PCDH15: variants seen among roughly 807,000 people sequenced by gnomAD.
The protein encoded by PCDH15 is protocadherin related 15.
In PCDH15, 129 loss-of-function variants were observed where a neutral mutation model predicts 178.5. That is an observed-to-expected ratio of 0.72 (90% confidence interval 0.63 to 0.84). The LOEUF (loss-of-function observed/expected upper bound fraction) is 0.84, where lower values mean the gene tolerates loss of function less well. Among genes scored for constraint, PCDH15 ranks in the 40% least tolerant of loss-of-function variants. PCDH15 has a pLI of 0.00. For synonymous variants in PCDH15, 800 were observed against 732.0 expected, an observed-to-expected ratio of 1.09 and a Z score of -1.50; for missense variants, 2,230 against 2,099.9, an observed-to-expected ratio of 1.06 and a Z score of -1.21.
At chr10:54,325,970 T>C (rs535992204) in intron 7 of PCDH15, among the ~76,000 whole-genome samples, 27 of 152,214 alleles carry the variant, frequency 1.8e-4, no homozygotes, top group African/African-American at 6.5e-4. Flanking sequence ...GGAGGTACAT[T>C]TTAGATATAT....
chr10:53,837,186 G>C (rs1184219412), intron 29 of PCDH15, among the ~76,000 whole-genome samples: 2 of 151,658 alleles, frequency 1.3e-5, no homozygotes, highest in Admixed American at 1.3e-4. Flanking sequence ...GGAATAAAGA[G>C]AAAATGGGCA....
intron 1 of PCDH15, among the ~76,000 whole-genome samples, chr10:55,183,085 T>C (rs767978690): frequency 1.3e-5 from 2 of 152,070 alleles, no homozygotes; most frequent in Non-Finnish European, 2.9e-5. Flanking sequence ...ATATGGTATA[T>C]ATTTATATTA....
intron 6 of PCDH15, among the ~76,000 whole-genome samples, chr10:54,343,109 T>C (rs138310165): frequency 1.3e-5 from 2 of 152,260 alleles, no homozygotes; most frequent in African/African-American, 4.8e-5. Context: ...GCATGATTGG[T>C]TCTGAAATGT....
chr10:53,971,411 C>A (rs2089670623), intron 21 of PCDH15, among the ~76,000 whole-genome samples: 1 of 152,112 alleles, frequency 6.6e-6, no homozygotes, highest in African/African-American at 2.4e-5. Context: ...CACTCTTATT[C>A]AACATAGTGT....
chr10:54,730,705 T>C (rs1206064826), intron 1 of PCDH15, among the ~76,000 whole-genome samples: 2 of 151,362 alleles, frequency 1.3e-5, no homozygotes, highest in South Asian at 4.2e-4. Context: ...TGGATAACCA[T>C]ATGTAAAAGA....
chr10:55,040,229 G>A (rs952148539), intron 2 of PCDH15, among the ~76,000 whole-genome samples: 4 of 152,044 alleles, frequency 2.6e-5, no homozygotes, highest in South Asian at 2.1e-4. Context: ...ATTTGTCAAT[G>A]GCAGCAATAG....
At chr10:54,120,538 T>C (rs1174851227) in intron 15 of PCDH15, among the ~76,000 whole-genome samples, 2 of 152,134 alleles carry the variant, frequency 1.3e-5, no homozygotes, top group Non-Finnish European at 2.9e-5. Flanking sequence ...CCACCTTATA[T>C]GTAATGATAC....
chr10:53,919,439 T>C (rs1809041485), intron 25 of PCDH15, among the ~76,000 whole-genome samples: 1 of 152,242 alleles, frequency 6.6e-6, no homozygotes, highest in Non-Finnish European at 1.5e-5. Flanking sequence ...ACAGAAAGCT[T>C]TAATGGTAAT....
intron 1 of PCDH15, among the ~76,000 whole-genome samples, chr10:55,265,311 G>GATATATAT (rs146070132): frequency 6.3e-4 from 91 of 144,214 alleles, no homozygotes; most frequent in East Asian, 4.5e-3. Context: ...GTATCTCTAT[G>GATATATAT]ATATATATAT....
At chr10:55,300,771 T>C (rs1045721489) in intron 1 of PCDH15, among the ~76,000 whole-genome samples, 84 of 152,302 alleles carry the variant, frequency 5.5e-4, no homozygotes, top group African/African-American at 2.0e-3. Flanking sequence ...TTAAATGAGA[T>C]AACTGTAACT....
intron 2 of PCDH15, among the ~76,000 whole-genome samples, chr10:55,080,697 C>T (rs1842018670): frequency 1.3e-5 from 2 of 152,250 alleles, no homozygotes; most frequent in Middle Eastern, 6.8e-3. Flanking sequence ...CCCACAGTCC[C>T]AGACAGGCAG....
intron 2 of PCDH15, among the ~76,000 whole-genome samples, chr10:55,054,862 TTA>T (rs1356865207): frequency 6.6e-6 from 1 of 152,138 alleles, no homozygotes; most frequent in African/African-American, 2.4e-5. Flanking sequence ...TTAATAGGGG[TTA>T]TCTGTTTTCT....
intron 18 of PCDH15, among the ~76,000 whole-genome samples, chr10:54,025,255 CA>C (rs1452899433): frequency 1.3e-5 from 2 of 152,124 alleles, no homozygotes; most frequent in African/African-American, 4.8e-5. Context: ...TAGCAGCTGA[CA>C]CAAAACAAGT....
chr10:55,190,553 A>C lies in PCDH15; in HGVS notation c.-155-23902T>G, dbSNP rs1591977644. On this transcript the variant is annotated intron_variant, in intron 1 of 5. Coordinates refer to the PCDH15 transcript ENST00000458638. ...CCCTTACATACCAATTCCCAATTAC[A>C]TTTAGATAAAAGTGAACATAAACTG... is the stretch of plus-strand genomic sequence containing the variant. Among the ~76,000 whole-genome samples, 3 of 151,882 alleles carry C rather than the reference A, an allele frequency of 2.0e-5. No individual in the cohort carries two copies. In the South Asian group the frequency reaches 6.2e-4, roughly 31 times the overall value.
At chr10:55,570,326 C>T (rs1327036119) in intron 2 of PCDH15, among the ~76,000 whole-genome samples, 1 of 151,870 alleles carries the variant, frequency 6.6e-6, no homozygotes, top group Non-Finnish European at 1.5e-5. Flanking sequence ...TAAAAGACAA[C>T]CCTGTTCACA....
In PCDH15 at chr10:53,857,361, A is replaced by G. The variant is rs559226187; in HGVS notation, c.3718-98T>C. 1.6e-4 allele frequency: 133 copies of G among 830,332 alleles called. 1 individual carries two copies. The South Asian group carries it at 1.8e-3, about 11-fold the overall frequency. The allele number at this position is 830,332 out of a possible 1,614,324, so 51.4% of individuals were successfully genotyped here. A position where few individuals can be genotyped will look rare whatever the true frequency, so the allele number is the denominator to read the frequency against. On this transcript the variant is annotated intron_variant, in intron 27 of 37. Transcript: ENST00000644397. ...TACCTCTTCCCTACTATGCATAGAC[A>G]CAGTGGTTTCTGATTTTCAAATTCA...
chr10:54,240,695 G>A lies in PCDH15; in HGVS notation c.877-3764C>T, dbSNP rs527605296. On this transcript the variant is annotated intron_variant, in intron 8 of 37. Transcript: ENST00000644397. ...TGCCCAGGCTGGAGTGCAGTGGCGC[G>A]ATCCCGGCTCACTGCAAGCTCCGCC... Among the ~76,000 whole-genome samples the A allele has an allele frequency of 5.8e-5, 8 of 138,602 alleles. No homozygotes were observed. In the East Asian group the frequency reaches 6.4e-4, roughly 11 times the overall value. The allele number at this position is 138,602 out of a possible 152,430, so 90.9% of individuals were successfully genotyped here.
chr10:54,020,558 A>T, intron 19 of PCDH15, 142 bp from the exon 20 acceptor site: 1 of 813,584 alleles, frequency 1.2e-6, no homozygotes, highest in Non-Finnish European at 2.0e-6. Flanking sequence ...TTGTTTTTTA[A>T]AAAAGCACAT....
chr10:54,652,953 C>T (rs372686881), intron 2 of PCDH15, among the ~76,000 whole-genome samples: 1 of 152,112 alleles, frequency 6.6e-6, no homozygotes, highest in African/African-American at 2.4e-5. Flanking sequence ...TAACAAAAAT[C>T]TTGTTTTATT....
Sources: allele counts gnomAD v4.1 joint callset (sites outside exome capture counted in the v4.1 genomes callset), GRCh38; gene constraint gnomAD v4.1.1; transcripts MANE v1.5; gene names NCBI Gene and HGNC (gene_info 2026-07-23, HGNC 2026-07-21).